CCNH: variants seen among roughly 807,000 people sequenced by gnomAD.
CCNH encodes the protein cyclin H.
Under a neutral mutation model 41.9 loss-of-function variants are expected in CCNH, and 31 were observed. The ratio of observed to expected loss-of-function variants is 0.74; its 90% CI spans 0.56 to 1.00. The LOEUF (loss-of-function observed/expected upper bound fraction) is 1.00. CCNH is among the 50% of genes least tolerant of loss of function. The pLI is 0.00. For missense variants in CCNH, 362 were observed against 388.4 expected, an observed-to-expected ratio of 0.93 and a Z score of 0.57; for synonymous variants, 138 against 136.1, an observed-to-expected ratio of 1.01 and a Z score of -0.10.
chr5:87,409,281 C>T lies in CCNH; in HGVS notation c.314+9G>A. 13 of 1,431,706 alleles carry T rather than the reference C, an allele frequency of 9.1e-6. No homozygotes were observed. Among genetic ancestry groups the T allele is most frequent in the African/African-American group, 1.4e-5 (1 of 70,828 alleles). 88.7% of individuals were successfully genotyped at this position (1,431,706 alleles called of 1,614,324 possible). A position where few individuals can be genotyped will look rare whatever the true frequency, so the allele number is the denominator to read the frequency against. ...AAATGAAAACAATATATTAGACAGA[C>T]ATACTCACATTATTATCCTGGGGTG... On this transcript the variant is annotated intron_variant, in intron 3 of 8. Coordinates refer to ENST00000256897, the MANE Select transcript of CCNH (RefSeq NM_001239.4).
downstream of CCNH, chr5:87,389,567 A>AGAT (rs1561333718): frequency 1.2e-6 from 2 of 1,607,466 alleles, no homozygotes; most frequent in Non-Finnish European, 1.7e-6. Context: ...GATGTTTCAA[A>AGAT]GATAACACTT....
intron 9 of CCNH, among the ~76,000 whole-genome samples, chr5:87,352,690 G>GTT (rs1055259056): frequency 6.6e-5 from 10 of 151,236 alleles, no homozygotes; most frequent in African/African-American, 2.4e-4. Flanking sequence ...CTTTTCATGT[G>GTT]TTTTATGACC....
At chr5:87,369,278 G>A (rs115702536) in intron 9 of CCNH, among the ~76,000 whole-genome samples, 1,779 of 152,164 alleles carry the variant, frequency 0.012, 19 homozygotes, top group Non-Finnish European at 0.019. Context: ...AATACTAAAG[G>A]AAGACAAGAA....
At chr5:87,395,192 A>T (rs1561341924) in intron 7 of CCNH, 88 bp from the exon 8 acceptor site, 3 of 1,095,388 alleles carry the variant, frequency 2.7e-6, no homozygotes, top group Non-Finnish European at 4.0e-6. Flanking sequence ...TATAGGCAAT[A>T]TCATGTATCT....
At chr5:87,380,182 G>A (rs867224048), upstream of CCNH, among the ~76,000 whole-genome samples, 2 of 152,198 alleles carry the variant, frequency 1.3e-5, no homozygotes, top group African/African-American at 2.4e-5. Context: ...TAATATGCTT[G>A]TCGGCCTCCA....
chr5:87,372,925 A>T (rs1219947382), downstream of CCNH, among the ~76,000 whole-genome samples: 1 of 152,196 alleles, frequency 6.6e-6, no homozygotes, highest in Non-Finnish European at 1.5e-5. Flanking sequence ...GTTGATATTT[A>T]GGTGACTAAA....
downstream of CCNH, among the ~76,000 whole-genome samples, chr5:87,313,537 C>G (rs1580234267): frequency 6.6e-6 from 1 of 152,268 alleles, no homozygotes; most frequent in East Asian, 1.9e-4. Flanking sequence ...TCCTCATCTC[C>G]CACCTGCCAG....
chr5:87,326,005 T>C (rs536954844), intron 9 of CCNH, among the ~76,000 whole-genome samples: 1 of 152,142 alleles, frequency 6.6e-6, no homozygotes, highest in African/African-American at 2.4e-5. Context: ...AGGGTCTCTC[T>C]CTGTTGCCCA....
intron 7 of CCNH, among the ~76,000 whole-genome samples, chr5:87,398,003 C>T (rs1051145169): frequency 6.6e-6 from 1 of 152,162 alleles, no homozygotes; most frequent in Non-Finnish European, 1.5e-5. Context: ...AGTTTGCCAA[C>T]CCCTGGTCTA....
chr5:87,337,365 G>GGT (rs1028105703), intron 9 of CCNH, among the ~76,000 whole-genome samples: 2 of 151,886 alleles, frequency 1.3e-5, no homozygotes, highest in Non-Finnish European at 2.9e-5. Context: ...TATATCCCTT[G>GGT]GTACCTACCA....
downstream of CCNH, among the ~76,000 whole-genome samples, chr5:87,317,255 T>C (rs1756414006): frequency 6.6e-6 from 1 of 152,188 alleles, no homozygotes; most frequent in Non-Finnish European, 1.5e-5. Context: ...CTTTTGTTTG[T>C]GCGTTCCAGA....
chr5:87,335,432 T>TG (rs1157560081), intron 9 of CCNH, among the ~76,000 whole-genome samples: 3 of 144,336 alleles, frequency 2.1e-5, no homozygotes, highest in Admixed American at 6.9e-5. Context: ...TTTTTTTTTT[T>TG]TTTTTTTTTT....
At chr5:87,358,449 C>CT (rs1759820424) in intron 9 of CCNH, among the ~76,000 whole-genome samples, 1 of 152,218 alleles carries the variant, frequency 6.6e-6, no homozygotes, top group South Asian at 2.1e-4. Flanking sequence ...CAATTCTTCT[C>CT]TTTTTTTCTT....
At chr5:87,312,074 A>G in the CCNH span, among the ~76,000 whole-genome samples, 1 of 152,254 alleles carries the variant, frequency 6.6e-6, no homozygotes, top group Non-Finnish European at 1.5e-5. Context: ...TAGCTCAGTG[A>G]AGCAGTATTT....
At chr5:87,381,596 C>T (rs1207889515), upstream of CCNH, among the ~76,000 whole-genome samples, 1 of 152,032 alleles carries the variant, frequency 6.6e-6, no homozygotes, top group Non-Finnish European at 1.5e-5. Flanking sequence ...TTTTGGGGGG[C>T]AGGTAATATT....
exon 1 of CCNH, chr5:87,377,125 C>T (rs1761381335): frequency 1.4e-6 from 2 of 1,474,556 alleles, no homozygotes; most frequent in Non-Finnish European, 1.9e-6. Context: ...TCTGAATATA[C>T]TAAATTGTTA....
intron 9 of CCNH, chr5:87,349,433 TCA>T (rs1388096431): frequency 2.0e-6 from 3 of 1,532,932 alleles, no homozygotes; most frequent in Non-Finnish European, 2.7e-6. Context: ...AATACAGTAT[TCA>T]GAGTCAAAAT....
intron 9 of CCNH, among the ~76,000 whole-genome samples, chr5:87,329,633 G>C (rs966868582): frequency 6.6e-6 from 1 of 152,024 alleles, no homozygotes; most frequent in Non-Finnish European, 1.5e-5. Flanking sequence ...CACTACCTAA[G>C]ACATAACAGA....
intron 9 of CCNH, among the ~76,000 whole-genome samples, chr5:87,386,081 C>A (rs1000910654): frequency 6.6e-6 from 1 of 152,004 alleles, no homozygotes; most frequent in African/African-American, 2.4e-5. Flanking sequence ...CTCCTCACAG[C>A]CTTGCCAGAA....
Sources: allele counts gnomAD v4.1 joint callset (sites outside exome capture counted in the v4.1 genomes callset), GRCh38; gene constraint gnomAD v4.1.1; transcripts MANE v1.5; gene names NCBI Gene and HGNC (gene_info 2026-07-23, HGNC 2026-07-21).